TRMT61B: variants seen among roughly 807,000 people sequenced by gnomAD.
TRMT61B encodes the protein tRNA (adenine(58)-N(1))-methyltransferase, mitochondrial.
TRMT61B carries 56 observed loss-of-function variants against 52.0 expected under a neutral mutation model. That is an observed-to-expected ratio of 1.08 (90% CI 0.87 to 1.35). The LOEUF is 1.35. Among genes scored for constraint, TRMT61B ranks in the 40% most tolerant of loss-of-function variants. The pLI is 0.00. For missense variants in TRMT61B, 650 were observed against 577.9 expected, an observed-to-expected ratio of 1.12 and a Z score of -1.28; for synonymous variants, 206 against 220.0, an observed-to-expected ratio of 0.94 and a Z score of 0.56.
chr2:28,868,468 TC>T (rs1165550094), intron 1 of TRMT61B, among the ~76,000 whole-genome samples: 1 of 152,252 alleles, frequency 6.6e-6, no homozygotes, highest in Non-Finnish European at 1.5e-5. Context: ...ATGACCTTAT[TC>T]TTTCATTTAC....
chr2:28,856,631 T>C (rs1669352236), intron 3 of TRMT61B, among the ~76,000 whole-genome samples: 1 of 152,106 alleles, frequency 6.6e-6, no homozygotes, highest in African/African-American at 2.4e-5. Flanking sequence ...TTTTATCTTA[T>C]TTAATTAAAT....
chr2:28,864,932 C>A, intron 2 of TRMT61B, 85 bp downstream of exon 2: 1 of 795,308 alleles, frequency 1.3e-6, no homozygotes, highest in Non-Finnish European at 2.1e-6. Flanking sequence ...AGGTATTTTC[C>A]CAAATATCTT....
At chr2:28,852,348 T>C in intron 4 of TRMT61B, 60 bp downstream of exon 4, 2 of 845,186 alleles carry the variant, frequency 2.4e-6, no homozygotes, top group South Asian at 1.6e-5. Flanking sequence ...TTTAGTTTGA[T>C]ACTTAAGCAA....
chr2:28,863,375 G>A (rs1439645715), intron 2 of TRMT61B, among the ~76,000 whole-genome samples: 1 of 150,450 alleles, frequency 6.6e-6, no homozygotes, highest in Non-Finnish European at 1.5e-5. Flanking sequence ...AGGCTGTAGT[G>A]AGCCACGATC....
At chr2:28,863,742 G>A (rs1669709003) in intron 2 of TRMT61B, among the ~76,000 whole-genome samples, 2 of 152,112 alleles carry the variant, frequency 1.3e-5, no homozygotes, top group South Asian at 2.1e-4. Flanking sequence ...TGAATTTACC[G>A]GCTTAGTATA....
chr2:28,867,088 G>A (rs1047796857), intron 1 of TRMT61B, among the ~76,000 whole-genome samples: 2 of 151,438 alleles, frequency 1.3e-5, no homozygotes, highest in African/African-American at 2.4e-5. Flanking sequence ...TGTGAGTGAC[G>A]GCACCTGCCC....
chr2:28,866,971 T>A (rs1422887107), intron 1 of TRMT61B, among the ~76,000 whole-genome samples: 1 of 151,710 alleles, frequency 6.6e-6, no homozygotes, highest in African/African-American at 2.4e-5. Flanking sequence ...AATTTTTTTT[T>A]TATTTTTTAT....
Position 28,870,046 on chromosome 2 carries a change from C to T in TRMT61B, c.232G>A (p.Gly78Arg). 1 of 1,613,756 alleles carries T rather than the reference C, an allele frequency of 6.2e-7. No homozygotes were observed. The highest frequency in any genetic ancestry group is 1.3e-5 in the African/African-American group (1 of 75,062). ...TCCAGTGACGAAAGACATCCAGTCC[C>T]AATGTCCGAGATGCTCAGAGGGAGA... ...PSLPLSISDI[G>R]TGCLSSLENL... The change falls in exon 1 of 7, where the codon GGG (glycine) becomes AGG (arginine). Residue 78 changes from glycine (G) to arginine (R), a missense_variant. Transcript: ENST00000306108.
chr2:28,852,539 G>A (rs369346104), intron 3 of TRMT61B, 40 bp from the exon 4 acceptor site: 249 of 1,312,236 alleles, frequency 1.9e-4, no homozygotes, highest in South Asian at 1.0e-3. Context: ...GTCTGATTCC[G>A]TTTAAATAAA....
chr2:28,867,939 C>G (rs1669918392), intron 1 of TRMT61B, among the ~76,000 whole-genome samples: 1 of 152,034 alleles, frequency 6.6e-6, no homozygotes, highest in Non-Finnish European at 1.5e-5. Context: ...GTGGTCCCAG[C>G]TACTCAGGAG....
At chr2:28,862,976 A>C (rs1394107189) in intron 2 of TRMT61B, among the ~76,000 whole-genome samples, 2 of 151,980 alleles carry the variant, frequency 1.3e-5, no homozygotes, top group African/African-American at 4.8e-5. Context: ...AACTTAAGGC[A>C]ATTAACTTTC....
At chr2:28,866,004 TG>T (rs1373184041) in intron 1 of TRMT61B, among the ~76,000 whole-genome samples, 1 of 146,850 alleles carries the variant, frequency 6.8e-6, no homozygotes, top group Non-Finnish European at 1.5e-5. Context: ...TTCTTATTTT[TG>T]GGGGGACAGA....
intron 4 of TRMT61B, among the ~76,000 whole-genome samples, chr2:28,852,185 C>A (rs905983685): frequency 6.7e-6 from 1 of 150,226 alleles, no homozygotes; most frequent in African/African-American, 2.5e-5. Flanking sequence ...TGGTGGCGGG[C>A]GCCTGTAACC....
intron 3 of TRMT61B, among the ~76,000 whole-genome samples, chr2:28,854,043 T>C (rs938544699): frequency 2.6e-5 from 4 of 152,218 alleles, no homozygotes; most frequent in African/African-American, 9.7e-5. Context: ...CTTAGAGATA[T>C]GCTGGCATAT....
At chr2:28,865,688 T>C (rs1019893890) in intron 1 of TRMT61B, among the ~76,000 whole-genome samples, 1 of 148,452 alleles carries the variant, frequency 6.7e-6, no homozygotes. Flanking sequence ...TTTTTTTTTT[T>C]TTTTTTTGGG....
intron 3 of TRMT61B, among the ~76,000 whole-genome samples, chr2:28,858,345 T>C (rs540397055): frequency 3.3e-5 from 5 of 152,156 alleles, no homozygotes; most frequent in Admixed American, 3.3e-4. Flanking sequence ...CGGCTAATTC[T>C]TTTATTAGTC....
intron 3 of TRMT61B, among the ~76,000 whole-genome samples, chr2:28,853,482 G>A (rs1669209995): frequency 6.6e-6 from 1 of 152,120 alleles, no homozygotes; most frequent in Non-Finnish European, 1.5e-5. Flanking sequence ...GGCTGACAAT[G>A]TGAATTTCTA....
At chr2:28,860,661 C>G (rs1468635019) in intron 3 of TRMT61B, among the ~76,000 whole-genome samples, 1 of 152,170 alleles carries the variant, frequency 6.6e-6, no homozygotes, top group African/African-American at 2.4e-5. Flanking sequence ...ACACCTCTGT[C>G]CTCGACATCT....
chr2:28,863,209 G>A (rs1238429588), intron 2 of TRMT61B, among the ~76,000 whole-genome samples: 2 of 152,122 alleles, frequency 1.3e-5, no homozygotes, highest in Non-Finnish European at 2.9e-5. Context: ...GCTTAGGCAA[G>A]ATTGCTTGAG....
Sources: allele counts gnomAD v4.1 joint callset (sites outside exome capture counted in the v4.1 genomes callset), GRCh38; gene constraint gnomAD v4.1.1; transcripts MANE v1.5; gene names NCBI Gene and HGNC (gene_info 2026-07-23, HGNC 2026-07-21).